Variants in ALDH1A2 observed in about 807,000 individuals in gnomAD.
The protein encoded by ALDH1A2 is aldehyde dehydrogenase 1 family member A2, also known as retinal dehydrogenase 2.
ALDH1A2 carries 27 observed loss-of-function variants against 60.3 expected under a neutral mutation model. The ratio of observed to expected loss-of-function variants is 0.45; its 90% confidence interval spans 0.33 to 0.62. The LOEUF (loss-of-function observed/expected upper bound fraction) is 0.62. ALDH1A2 is among the 20% of genes least tolerant of loss of function. The probability of loss-of-function intolerance (pLI) is 0.02; values close to 1 mark genes in which losing one functional copy is unlikely to be tolerated. For synonymous variants in ALDH1A2, 289 were observed against 232.4 expected, an observed-to-expected ratio of 1.24 and a Z score of -2.21; for missense variants, 581 against 643.8, an observed-to-expected ratio of 0.90 and a Z score of 1.06.
At chr15:57,984,208 T>C (rs1189686690) in intron 7 of ALDH1A2, among the ~76,000 whole-genome samples, 1 of 152,220 alleles carries the variant, frequency 6.6e-6, no homozygotes, top group African/African-American at 2.4e-5. Context: ...ATGTAACCCC[T>C]CTTAGCCACA....
intron 1 of ALDH1A2, among the ~76,000 whole-genome samples, chr15:58,059,228 G>A (rs1353232502): frequency 6.6e-6 from 1 of 152,182 alleles, no homozygotes; most frequent in Non-Finnish European, 1.5e-5. Flanking sequence ...TAACCCAGGT[G>A]ACATTACAGC....
chr15:58,025,311 G>A (rs940348919), intron 1 of ALDH1A2, among the ~76,000 whole-genome samples: 1 of 151,950 alleles, frequency 6.6e-6, no homozygotes, highest in Non-Finnish European at 1.5e-5. Context: ...AAAAGGAGAA[G>A]AATCAAACAA....
At chr15:57,959,495 A>G (rs1326763934) in intron 12 of ALDH1A2, among the ~76,000 whole-genome samples, 6 of 152,230 alleles carry the variant, frequency 3.9e-5, no homozygotes, top group African/African-American at 1.4e-4. Flanking sequence ...CGCCAAAGTT[A>G]CAGGTTAAGA....
intron 7 of ALDH1A2, among the ~76,000 whole-genome samples, chr15:57,974,051 A>T (rs8035317): frequency 0.015 from 2,266 of 152,276 alleles, 68 homozygotes; most frequent in African/African-American, 0.052. Flanking sequence ...AGATAAAAAA[A>T]TTCCTGTTGT....
At chr15:57,966,098 A>G (rs1390235838) in intron 7 of ALDH1A2, among the ~76,000 whole-genome samples, 1 of 152,218 alleles carries the variant, frequency 6.6e-6, no homozygotes, top group Non-Finnish European at 1.5e-5. Context: ...TCACTGAAAG[A>G]TTTCTCTAAA....
At chr15:58,034,717 A>G (rs1420397728) in intron 1 of ALDH1A2, among the ~76,000 whole-genome samples, 1 of 151,712 alleles carries the variant, frequency 6.6e-6, no homozygotes, top group Non-Finnish European at 1.5e-5. Context: ...TTCTGCATGT[A>G]CAGACATGAT....
rs1423219868 is a variant in ALDH1A2 at position 58,010,596 on chromosome 15, G to C, written c.493+53C>G. On this transcript the variant is annotated intron_variant, in intron 4 of 12. Transcript: ENST00000249750. Reference sequence around the variant, plus strand: ...GCTGTTTGTGTTTGGTGGCCAAAGCGCATTTCTGGTGGTTTCACGTTTTCC... The same window carrying C: ...GCTGTTTGTGTTTGGTGGCCAAAGCCCATTTCTGGTGGTTTCACGTTTTCC... The C allele has an allele frequency of 4.4e-6, 7 of 1,604,708 alleles. No homozygotes were observed. The African/African-American group carries it at 9.4e-5, about 22-fold the overall frequency.
intron 7 of ALDH1A2, among the ~76,000 whole-genome samples, chr15:57,991,003 T>C (rs1021225519): frequency 6.6e-6 from 1 of 152,198 alleles, no homozygotes; most frequent in African/African-American, 2.4e-5. Flanking sequence ...TCCAGTCTTT[T>C]GATATAGAAC....
intron 1 of ALDH1A2, among the ~76,000 whole-genome samples, chr15:58,058,965 A>G (rs1371349468): frequency 6.6e-6 from 1 of 152,196 alleles, no homozygotes; most frequent in East Asian, 1.9e-4. Context: ...AAATCACCCA[A>G]TTATTATTCC....
At chr15:58,025,212 T>TA (rs1896046489) in intron 1 of ALDH1A2, among the ~76,000 whole-genome samples, 2 of 151,910 alleles carry the variant, frequency 1.3e-5, no homozygotes, top group African/African-American at 4.8e-5. Context: ...AAACAGAGAC[T>TA]AAAAAGAATA....
At chr15:57,961,379 T>G in intron 10 of ALDH1A2, 85 bp from the exon 11 acceptor site, 2 of 1,502,698 alleles carry the variant, frequency 1.3e-6, no homozygotes, top group Non-Finnish European at 1.8e-6. Context: ...TTACTCTGCC[T>G]TGATTACTTA....
chr15:58,052,869 G>A (rs1024374816), intron 1 of ALDH1A2, among the ~76,000 whole-genome samples: 1 of 152,128 alleles, frequency 6.6e-6, no homozygotes, highest in Non-Finnish European at 1.5e-5. Context: ...GTTTTCCAAA[G>A]TGGATGTGTG....
intron 1 of ALDH1A2, among the ~76,000 whole-genome samples, chr15:58,051,213 T>C (rs1203229334): frequency 6.6e-6 from 1 of 152,112 alleles, no homozygotes; most frequent in East Asian, 1.9e-4. Context: ...TATAATATTA[T>C]TTGCAGTAAG....
rs528286495 is a variant in ALDH1A2 at position 58,042,440 on chromosome 15, G to C, written c.117+23094C>G. Among the ~76,000 whole-genome samples the C allele has an allele frequency of 4.6e-5, 7 of 152,044 alleles. 1 individual carries two copies. Among genetic ancestry groups the C allele is most frequent in the African/African-American group, 1.7e-4 (7 of 41,522 alleles). On this transcript the variant is annotated intron_variant, in intron 1 of 12. Transcript: ENST00000249750. ...CATCTACATAAGGAACAGTAAAATAGTAGATGCCCAATAAATGTTTCCTAA... is the reference window on the plus strand; with the variant it reads ...CATCTACATAAGGAACAGTAAAATACTAGATGCCCAATAAATGTTTCCTAA...
At chr15:57,965,968 G>A in intron 7 of ALDH1A2, 141 bp from the exon 8 acceptor site, 1 of 710,670 alleles carries the variant, frequency 1.4e-6, no homozygotes, top group Non-Finnish European at 2.6e-6. Context: ...TCATCAGCTT[G>A]GGTTACAAGA....
At chr15:58,010,510 G>T (rs1325034816) in intron 4 of ALDH1A2, 139 bp downstream of exon 4, 2 of 1,083,340 alleles carry the variant, frequency 1.8e-6, no homozygotes, top group Non-Finnish European at 2.6e-6. Context: ...ACATAATTTG[G>T]TTGGTTCTTC....
At chr15:57,960,182 A>C (rs759037765) in intron 12 of ALDH1A2, among the ~76,000 whole-genome samples, 1 of 152,216 alleles carries the variant, frequency 6.6e-6, no homozygotes, top group Non-Finnish European at 1.5e-5. Context: ...ACCCCAAAAC[A>C]TATTAAATGC....
chr15:58,001,034 T>TTA (rs1555402200), intron 4 of ALDH1A2, among the ~76,000 whole-genome samples: 3 of 126,240 alleles, frequency 2.4e-5, no homozygotes, highest in African/African-American at 8.7e-5. Context: ...TCAAAATTGT[T>TTA]AAAAAAAAAA....
At chr15:57,958,316 A>G (rs185719844) in intron 12 of ALDH1A2, among the ~76,000 whole-genome samples, 1 of 151,274 alleles carries the variant, frequency 6.6e-6, no homozygotes, top group African/African-American at 2.5e-5. Context: ...TGAGGTTCAC[A>G]GAATTCTTTC....
Sources: gnomAD v4.1 joint callset for allele counts (sites outside exome capture counted in the v4.1 genomes callset) on GRCh38, gnomAD v4.1.1 for gene constraint, MANE v1.5 for transcripts, NCBI Gene and HGNC (gene_info 2026-07-23, HGNC 2026-07-21) for gene names.